The following BANP variants were observed in gnomAD, a reference collection of about 807,000 sequenced individuals.
BANP encodes the protein BTG3 associated nuclear protein.
In BANP, 11 loss-of-function variants were observed where a neutral mutation model predicts 68.1. That is an observed-to-expected ratio of 0.16 (90% CI 0.10 to 0.27). BANP has a LOEUF of 0.27. Ranked by LOEUF, BANP falls within the 10% of genes least tolerant of loss-of-function variation. The pLI, the probability that BANP is intolerant of heterozygous loss-of-function variation, is 1.00. For missense variants in BANP, 504 were observed against 722.7 expected (o/e 0.70, Z 3.47); for synonymous variants, 329 against 303.2 (o/e 1.09, Z -0.88).
chr16:88,068,155 C>T (rs2089283447), intron 12 of BANP, among the ~76,000 whole-genome samples: 1 of 152,184 alleles, frequency 6.6e-6, no homozygotes, highest in Non-Finnish European at 1.5e-5. Flanking sequence ...ACTCGTCCCA[C>T]CTGTGGCCCC....
rs527378803 is a variant in BANP, at chr16:88,043,495, C to G, written c.1311+5484C>G. On this transcript the variant is annotated intron_variant, in intron 11 of 13. Transcript: ENST00000682872. The stretch of plus-strand genomic sequence containing the variant: ...AATCCCTGTAGTGTTGGCTTTGTTG[C>G]TCAGTGAGTATTTGAAATTAATCAT... Among the ~76,000 whole-genome samples, 15 of 152,280 alleles carry G rather than the reference C, an allele frequency of 9.9e-5. No homozygotes were observed. In the South Asian group the frequency reaches 3.1e-3, roughly 32 times the overall value.
Position 88,035,840 on chromosome 16 carries a change from G to A in BANP, c.1272+446G>A, listed in dbSNP as rs116253962. ...GGGATTAGTGCCGATTTCATGGGATGGTGGGGAATCCCACAAGGTGATGCT... is the reference window on the plus strand; with the variant it reads ...GGGATTAGTGCCGATTTCATGGGATAGTGGGGAATCCCACAAGGTGATGCT... On this transcript the variant is annotated intron_variant, in intron 10 of 13. Coordinates refer to ENST00000682872, the MANE Select transcript of BANP (RefSeq NM_001386991.1). Among the ~76,000 whole-genome samples, 759 of 152,344 alleles carry A rather than the reference G, an allele frequency of 5.0e-3. 8 individuals are homozygous for A. Among genetic ancestry groups the A allele is most frequent in the African/African-American group, 0.018 (736 of 41,560 alleles).
chr16:87,957,718 G>A lies in BANP; in HGVS notation c.-69+6203G>A, dbSNP rs540204388. Among the ~76,000 whole-genome samples, 140 of 152,364 alleles carry A rather than the reference G, an allele frequency of 9.2e-4. No individual in the cohort carries two copies. Among genetic ancestry groups the A allele is most frequent in the African/African-American group, 4.6e-4 (19 of 41,590 alleles). On this transcript the variant is annotated intron_variant, in intron 1 of 13. Coordinates refer to ENST00000682872, the MANE Select transcript of BANP (RefSeq NM_001386991.1). The surrounding 1 kb of genome is among the most constrained non-coding windows in gnomAD (Gnocchi z 4.3). ...GGAGCCGGGAGGGAGAACTGGGTGC[G>A]CGCTTGGCATTTCCTTGCCGGTGTG... is the stretch of plus-strand genomic sequence containing the variant.
At chr16:87,980,753 AG>A in intron 2 of BANP, 1 of 370,390 alleles carries the variant, frequency 2.7e-6, no homozygotes, top group Non-Finnish European at 5.0e-6. Context: ...CAAACAGGGC[AG>A]CCCCGCAGAG....
At chr16:88,005,575 G>A (rs1432081853) in intron 5 of BANP, among the ~76,000 whole-genome samples, 1 of 152,214 alleles carries the variant, frequency 6.6e-6, no homozygotes, top group African/African-American at 2.4e-5. Flanking sequence ...GATGATGGCA[G>A]CTCCGATGGG....
Position 88,065,259 on chromosome 16 carries a change from T to C in BANP, c.1312-8T>C. On this transcript the variant is annotated splice_region_variant and splice_polypyrimidine_tract_variant and intron_variant, in intron 11 of 13. Coordinates refer to ENST00000682872, the MANE Select transcript of BANP (RefSeq NM_001386991.1). The stretch of plus-strand genomic sequence containing the variant: ...CCAGGGGAAAATTCGTTTTCTTGCC[T>C]TTTCCAGCTTCTAGAGGCCACCCGC... 1 of 751,062 alleles carries C rather than the reference T, an allele frequency of 1.3e-6. No individual in the cohort carries two copies. Among genetic ancestry groups the C allele is most frequent in the Non-Finnish European group, 2.4e-6 (1 of 410,104 alleles). The allele number at this position is 751,062 out of a possible 1,614,324, so 46.5% of individuals were successfully genotyped here.
chr16:88,014,023 C>G (rs1034858148), intron 6 of BANP, among the ~76,000 whole-genome samples: 29 of 152,310 alleles, frequency 1.9e-4, no homozygotes, highest in African/African-American at 6.7e-4. Flanking sequence ...AAACTGGGTC[C>G]TGCTGGACAC....
rs564485560 is a variant in BANP at position 88,026,679 on chromosome 16, A to G, written c.896-804A>G. On this transcript the variant is annotated intron_variant, in intron 7 of 13. Coordinates refer to ENST00000682872, the MANE Select transcript of BANP (RefSeq NM_001386991.1). ...TGTGAGGGGGACAGAGTAACAATAC[A>G]TAACTTGAATTCTCCAAACTGTGTT... 3.3e-5 allele frequency among the ~76,000 whole-genome samples: 5 copies of G among 152,254 alleles called. No individual in the cohort carries two copies. The South Asian group carries it at 8.3e-4, about 25-fold the overall frequency.
rs533220063 is a variant in BANP at position 87,961,260 on chromosome 16, C to G, written c.-69+9745C>G. On this transcript the variant is annotated intron_variant, in intron 1 of 13. Transcript: ENST00000682872. ...GTCAAAGAGGAATCTCCATAATTAT[C>G]TGAAGAGCCTATTAAGATACTTTTC... 3.9e-5 allele frequency among the ~76,000 whole-genome samples: 6 copies of G among 152,344 alleles called. No homozygotes were observed. The Middle Eastern group carries it at 0.01, about 259-fold the overall frequency.
chr16:88,001,497 CCTT>C (rs2069331719), intron 4 of BANP, among the ~76,000 whole-genome samples: 1 of 152,242 alleles, frequency 6.6e-6, no homozygotes, highest in South Asian at 2.1e-4. Context: ...ACTGCATCCT[CCTT>C]AATGTGATAA....
At chr16:88,023,768 G>A (rs1006065718) in intron 7 of BANP, among the ~76,000 whole-genome samples, 4 of 152,232 alleles carry the variant, frequency 2.6e-5, no homozygotes, top group African/African-American at 9.6e-5. Context: ...AAGTGGGAAG[G>A]CAGCTAACGG....
intron 12 of BANP, among the ~76,000 whole-genome samples, chr16:88,069,284 C>G (rs1251703688): frequency 1.3e-5 from 2 of 152,258 alleles, no homozygotes; most frequent in African/African-American, 2.4e-5. Flanking sequence ...GCCAGACATT[C>G]AGCTCATTGA....
chr16:88,018,918 C>T lies in BANP; in HGVS notation c.895+251C>T, dbSNP rs74040264. On this transcript the variant is annotated intron_variant, in intron 7 of 13. Transcript: ENST00000682872. This position sits in a 1 kb window ranked among gnomAD's most constrained non-coding sequence, Gnocchi z 7.7. The stretch of plus-strand genomic sequence containing the variant: ...CCATCATATATATACCTACTGTGTA[C>T]CCTTAGAAGGTGAAAAACTCCTCGC... 0.016 allele frequency among the ~76,000 whole-genome samples: 2,369 copies of T among 152,304 alleles called. 63 individuals carry two copies. The highest frequency in any genetic ancestry group is 0.055 in the African/African-American group (2,266 of 41,552).
chr16:88,022,754 G>A (rs2152692790), intron 7 of BANP, among the ~76,000 whole-genome samples: 1 of 152,334 alleles, frequency 6.6e-6, no homozygotes, highest in South Asian at 2.1e-4. Context: ...CCCTCTCCCA[G>A]CTTCTGGTGG....
intron 11 of BANP, among the ~76,000 whole-genome samples, chr16:88,050,797 C>T (rs113668397): frequency 6.6e-6 from 1 of 152,184 alleles, no homozygotes; most frequent in South Asian, 2.1e-4. Context: ...AAGCAATCCT[C>T]CCACCTCAGC....
At chr16:87,964,281 C>T (rs1414781030) in intron 1 of BANP, among the ~76,000 whole-genome samples, 1 of 152,264 alleles carries the variant, frequency 6.6e-6, no homozygotes, top group African/African-American at 2.4e-5. Flanking sequence ...GGGCCAGGCC[C>T]GGTGCCCTGC....
intron 7 of BANP, among the ~76,000 whole-genome samples, chr16:88,026,168 C>G (rs1345502997): frequency 6.6e-6 from 1 of 152,176 alleles, no homozygotes; most frequent in African/African-American, 2.4e-5. Context: ...AACTGGGGGT[C>G]CCAGGACAGT....
At chr16:88,059,120 CT>C (rs2085977406) in intron 11 of BANP, among the ~76,000 whole-genome samples, 1 of 151,430 alleles carries the variant, frequency 6.6e-6, no homozygotes, top group African/African-American at 2.4e-5. Context: ...GAGGTCCGTG[CT>C]CCTGCTGGTG....
rs1278427829 is a variant in BANP, at chr16:87,957,648, TGGAA to T, written c.-69+6135_-69+6138del. Among the ~76,000 whole-genome samples the T allele has an allele frequency of 4.6e-5, 7 of 152,260 alleles. No individual in the cohort carries two copies. Among genetic ancestry groups the T allele is most frequent in the Non-Finnish European group, 8.8e-5 (6 of 68,042 alleles). On this transcript the variant is annotated intron_variant, in intron 1 of 13. Coordinates refer to ENST00000682872, the MANE Select transcript of BANP (RefSeq NM_001386991.1). The surrounding 1 kb of genome is among the most constrained non-coding windows in gnomAD (Gnocchi z 4.3). ...TTGAGATGAAAAGTCATCAAATATC[TGGAA>T]GCAAAGCTTAATCTTTCTGAAAGTA...
Sources: allele counts gnomAD v4.1 joint callset (sites outside exome capture counted in the v4.1 genomes callset), GRCh38; gene constraint gnomAD v4.1.1; non-coding constraint Gnocchi (gnomAD v3.1); transcripts MANE v1.5; gene names NCBI Gene and HGNC (gene_info 2026-07-23, HGNC 2026-07-21).